The following MNX1 variants were observed in gnomAD, a reference collection of about 807,000 sequenced individuals.
MNX1 encodes the protein motor neuron and pancreas homeobox protein 1.
Under a neutral mutation model 17.3 loss-of-function variants are expected in MNX1, and 2 were observed. The ratio of observed to expected loss-of-function variants is 0.12; its 90% CI spans 0.05 to 0.36. The LOEUF is 0.36. Ranked by LOEUF, MNX1 falls within the 10% of genes least tolerant of loss-of-function variation. The pLI, the probability that MNX1 is intolerant of heterozygous loss-of-function variation, is 1.00. For missense variants in MNX1, 556 were observed against 564.7 expected, an observed-to-expected ratio of 0.98 and a Z score of 0.16; for synonymous variants, 306 against 283.1, an observed-to-expected ratio of 1.08 and a Z score of -0.81.
chr7:157,005,171 G>A lies in MNX1; in HGVS notation c.*349C>T, dbSNP rs1238671889. On this transcript the variant is annotated 3_prime_UTR_variant, in exon 3 of 3. Coordinates refer to ENST00000252971, the MANE Select transcript of MNX1 (RefSeq NM_005515.4). Reference sequence around the variant, plus strand: ...TCGGACGCGGGGAAAGGGGAGACAGGAGGCTTCCCCTTGCGCGGGGTGGGT... The same window carrying A: ...TCGGACGCGGGGAAAGGGGAGACAGAAGGCTTCCCCTTGCGCGGGGTGGGT... The A allele has an allele frequency of 2.1e-5, 5 of 235,450 alleles. 1 individual carries two copies. The East Asian group carries it at 2.4e-4, about 12-fold the overall frequency. 14.6% of individuals were successfully genotyped at this position (235,450 alleles called of 1,614,324 possible). A position where few individuals can be genotyped will look rare whatever the true frequency, so the allele number is the denominator to read the frequency against.
chr7:157,009,475 T>C (rs1362846626), intron 1 of MNX1, 185 bp downstream of exon 1: 8 of 1,433,802 alleles, frequency 5.6e-6, no homozygotes, highest in Non-Finnish European at 7.3e-6. Context: ...ATTTTAATAA[T>C]TCGCTGCCCG....
intron 2 of MNX1, 124 bp from the exon 3 acceptor site, chr7:157,005,997 A>T: frequency 1.9e-6 from 2 of 1,080,748 alleles, no homozygotes. Flanking sequence ...TCAGGGTGAG[A>T]CGACTTAGAA....
Position 157,009,849 on chromosome 7 carries a change from C to G in MNX1, c.502G>C (p.Ala168Pro), listed in dbSNP as rs1448136248. Residue 168 changes from alanine to proline, a missense_variant, in exon 1 of 3, where the codon GCG becomes CCG. Ala to Pro is a conservative substitution (Grantham distance 27). Coordinates refer to ENST00000252971, the MANE Select transcript of MNX1 (RefSeq NM_005515.4). ...LYGHPVYGYS[A>P]AAAAAALAGQ... The stretch of plus-strand genomic sequence containing the variant: ...GCCAGCGCAGCCGCCGCCGCCGCCG[C>G]GGAGTAGCCGTAGACCGGGTGGCCG... 2 of 1,509,998 alleles carry G rather than the reference C, an allele frequency of 1.3e-6. No individual in the cohort carries two copies. The highest frequency in any genetic ancestry group is 2.1e-5 in the Admixed American group (1 of 48,392). The allele number at this position is 1,509,998 out of a possible 1,614,324, so 93.5% of individuals were successfully genotyped here.
rs138118375 is a variant in MNX1, at chr7:157,005,015, G to A, written c.*505C>T. 2.1e-3 allele frequency: 478 copies of A among 223,638 alleles called. 23 individuals are homozygous for A. In the South Asian group the frequency reaches 0.084, roughly 39 times the overall value. The allele number at this position is 223,638 out of a possible 1,614,324, so 13.9% of individuals were successfully genotyped here. On this transcript the variant is annotated 3_prime_UTR_variant, in exon 3 of 3. Coordinates refer to ENST00000252971, the MANE Select transcript of MNX1 (RefSeq NM_005515.4). ...GATTTCCAGCAGTTTGAACGCTCGT[G>A]ACATAATCCCCCCGACCCCAGAGAC... is the stretch of plus-strand genomic sequence containing the variant.
intron 1 of MNX1, chr7:157,008,977 C>A: frequency 6.5e-7 from 1 of 1,536,886 alleles, no homozygotes; most frequent in Non-Finnish European, 8.7e-7. Context: ...CTCGGCCCCA[C>A]CTTGGAGGGG....
Position 157,006,208 on chromosome 7 carries a change from CCCT to C in MNX1, c.852+268_852+270del. ...ACGTCGCGGTAAATCTCAGGATGTTCCCTCCTCTCTTTCTGGAACAAAATTTCT... is the reference window on the plus strand; with the variant it reads ...ACGTCGCGGTAAATCTCAGGATGTTCCCTCTCTTTCTGGAACAAAATTTCT... On this transcript the variant is annotated intron_variant, in intron 2 of 2. Transcript: ENST00000252971. This position sits in a 1 kb window ranked among gnomAD's most constrained non-coding sequence, Gnocchi z 6.3. The C allele has an allele frequency of 3.4e-6, 2 of 584,352 alleles. No individual in the cohort carries two copies. The highest frequency in any genetic ancestry group is 4.2e-5 in the South Asian group (2 of 47,824). 36.2% of individuals were successfully genotyped at this position (584,352 alleles called of 1,614,324 possible). A position where few individuals can be genotyped will look rare whatever the true frequency, so the allele number is the denominator to read the frequency against.
In MNX1 at chr7:157,005,605, G is replaced by C. The variant is rs1379910177; in HGVS notation, c.1121C>G (p.Ala374Gly). Residue 374 changes from alanine to glycine, a missense_variant, in exon 3 of 3, where the codon GCC becomes GGC. Transcript: ENST00000252971. ...GTCGGAGGAGGCGGCGTGGACGCTG[G>C]CGCCGTTGCTGTAGGGGAAATGGTC... ...DEDHFPYSNG[A>G]SVHAASSDCS... 1 of 1,604,556 alleles carries C rather than the reference G, an allele frequency of 6.2e-7. No individual in the cohort carries two copies. The highest frequency in any genetic ancestry group is 8.5e-7 in the Non-Finnish European group (1 of 1,176,912).
rs751247773 is a variant in MNX1, at chr7:157,005,877, C to A, written c.853-4G>T. 4.0e-5 allele frequency: 65 copies of A among 1,610,642 alleles called. No homozygotes were observed. The highest frequency in any genetic ancestry group is 5.1e-5 in the Non-Finnish European group (60 of 1,179,810). ...GGTTCTGGAACCAAATCTTCACCTG[C>A]GGGCACAAGCGGGCGTGAGAAACCG... On this transcript the variant is annotated splice_polypyrimidine_tract_variant and splice_region_variant and intron_variant, in intron 2 of 2. Coordinates refer to ENST00000252971, the MANE Select transcript of MNX1 (RefSeq NM_005515.4).
At chr7:157,009,243 T>C (rs1805661299) in intron 1 of MNX1, 1 of 1,428,774 alleles carries the variant, frequency 7.0e-7, no homozygotes, top group Non-Finnish European at 9.1e-7. Flanking sequence ...GCCGCGGGTC[T>C]CTCTAACGCC....
rs1805680793 is a variant in MNX1 at position 157,009,967 on chromosome 7, G to GGCGGCGGCGGCGGCGGCA, written c.383_384insTGCCGCCGCCGCCGCCGC (p.Ala129_Ala134dup). On this transcript the variant is annotated inframe_insertion, in exon 1 of 3. Coordinates refer to ENST00000252971, the MANE Select transcript of MNX1 (RefSeq NM_005515.4). ...GGCCCCCAGCGGCGGCGGCGGCGGC[G>GGCGGCGGCGGCGGCGGCA]GCGGCGGCGGCAGCGGCCGCTGCGC... 1 of 965,190 alleles carries GGCGGCGGCGGCGGCGGCA rather than the reference G, an allele frequency of 1.0e-6. No homozygotes were observed. The highest frequency in any genetic ancestry group is 1.2e-6 in the Non-Finnish European group (1 of 824,666). The allele number at this position is 965,190 out of a possible 1,614,324, so 59.8% of individuals were successfully genotyped here.
rs1309891765 is a variant in MNX1 at position 157,005,746 on chromosome 7, T to TC, written c.979dup (p.Glu327GlyfsTer29). On this transcript the variant is annotated frameshift_variant, in exon 3 of 3. Coordinates refer to ENST00000252971, the MANE Select transcript of MNX1 (RefSeq NM_005515.4). LOFTEE classifies it low-confidence loss of function (END_TRUNC). Reference sequence around the variant, plus strand: ...CCCCAGCAGCTCCTCGGCTCCCGGCTCCTCCGCGCCGCCCTTCCCCGCGCC... The same window carrying TC: ...CCCCAGCAGCTCCTCGGCTCCCGGCTCCCTCCGCGCCGCCCTTCCCCGCGCC... The TC allele has an allele frequency of 6.2e-7, 1 of 1,609,070 alleles. No individual in the cohort carries two copies. The highest frequency in any genetic ancestry group is 1.3e-5 in the African/African-American group (1 of 74,830).
rs146194384 is a variant in MNX1 at position 157,004,888 on chromosome 7, G to A, written c.*632C>T. On this transcript the variant is annotated 3_prime_UTR_variant, in exon 3 of 3. Coordinates refer to ENST00000252971, the MANE Select transcript of MNX1 (RefSeq NM_005515.4). This position sits in a 1 kb window ranked among gnomAD's most constrained non-coding sequence, Gnocchi z 6.2. ...AAACCAATTTATTTTACATTCCATCGTGGGCGATGGGAGAAGCTAAATAAT... is the reference window on the plus strand; with the variant it reads ...AAACCAATTTATTTTACATTCCATCATGGGCGATGGGAGAAGCTAAATAAT... The A allele has an allele frequency of 2.2e-3, 403 of 186,704 alleles. 2 individuals carry two copies. Among genetic ancestry groups the A allele is most frequent in the African/African-American group, 8.8e-3 (376 of 42,714 alleles). The allele number at this position is 186,704 out of a possible 1,614,324, so 11.6% of individuals were successfully genotyped here.
chr7:157,005,983 G>T, intron 2 of MNX1, 110 bp from the exon 3 acceptor site: 1 of 1,273,738 alleles, frequency 7.9e-7, no homozygotes, highest in Non-Finnish European at 1.1e-6. Context: ...GCCCTGGAAT[G>T]GCCTCAGGGT....
chr7:157,008,904 G>T, intron 1 of MNX1: 3 of 1,356,996 alleles, frequency 2.2e-6, no homozygotes, highest in Non-Finnish European at 3.0e-6. Context: ...GAGGTGTCCC[G>T]CCCGGATGGA....
intron 2 of MNX1, 75 bp from the exon 3 acceptor site, chr7:157,005,948 C>T: frequency 1.3e-6 from 2 of 1,563,880 alleles, no homozygotes; most frequent in East Asian, 2.2e-5. Context: ...CCCCCGGCCG[C>T]GTGCGCCTGG....
In MNX1 at chr7:157,009,957, C is replaced by CGGT; in HGVS notation, c.393_394insACC (p.Ala131_Ala132insThr). On this transcript the variant is annotated inframe_insertion, in exon 1 of 3. Transcript: ENST00000252971. ...CCCAGCGCCAGGCCCCCAGCGGCGG[C>CGGT]GGCGGCGGCGGCGGCGGCGGCAGCG... 3 of 971,192 alleles carry CGGT rather than the reference C, an allele frequency of 3.1e-6. No individual in the cohort carries two copies. Among genetic ancestry groups the CGGT allele is most frequent in the Non-Finnish European group, 3.7e-6 (3 of 820,548 alleles). The allele number at this position is 971,192 out of a possible 1,614,324, so 60.2% of individuals were successfully genotyped here. A position where few individuals can be genotyped will look rare whatever the true frequency, so the allele number is the denominator to read the frequency against.
At chr7:157,005,952 C>T in intron 2 of MNX1, 79 bp from the exon 3 acceptor site, 3 of 1,544,162 alleles carry the variant, frequency 1.9e-6, no homozygotes, top group Non-Finnish European at 2.7e-6. Context: ...CGGCCGCGTG[C>T]GCCTGGGCCC....
At position 157,010,037 on chromosome 7, in the gene MNX1, C is replaced by T; in HGVS notation, c.314G>A (p.Gly105Asp). Residue 105 changes from glycine to aspartate, a missense_variant, in exon 1 of 3, where the codon GGC (glycine) becomes GAC (aspartate). Gly to Asp is a moderately conservative substitution (Grantham distance 94). This residue lies in a region of MNX1 where 115 missense variants were observed against 103.5 expected (regional missense o/e 1.11). Coordinates refer to ENST00000252971, the MANE Select transcript of MNX1 (RefSeq NM_005515.4). ...GGGCCCCCCGTGCCCGCCGCCCGTGCCGCCGCCGCCGCCGCCCGCGCCCAG... is the reference window on the plus strand; with the variant it reads ...GGGCCCCCCGTGCCCGCCGCCCGTGTCGCCGCCGCCGCCGCCCGCGCCCAG... ...GFLGAGGGGG[G>D]TGGGHGGPHH... 1 of 967,856 alleles carries T rather than the reference C, an allele frequency of 1.0e-6. No individual in the cohort carries two copies. The highest frequency in any genetic ancestry group is 1.2e-6 in the Non-Finnish European group (1 of 813,960). The allele number at this position is 967,856 out of a possible 1,614,324, so 60.0% of individuals were successfully genotyped here.
In MNX1 at chr7:157,005,887, C is replaced by G. The variant is rs1047290457; in HGVS notation, c.853-14G>C. ...CCAAATCTTCACCTGCGGGCACAAG[C>G]GGGCGTGAGAAACCGGCCACCGCCA... is the stretch of plus-strand genomic sequence containing the variant. On this transcript the variant is annotated splice_polypyrimidine_tract_variant and intron_variant, in intron 2 of 2. Transcript: ENST00000252971. The G allele has an allele frequency of 6.2e-7, 1 of 1,610,212 alleles. No homozygotes were observed. The highest frequency in any genetic ancestry group is 1.3e-5 in the African/African-American group (1 of 74,908).
Sources: gnomAD v4.1 joint callset for allele counts on GRCh38, gnomAD v4.1.1 for gene constraint, gnomAD v4.1.1 regional missense constraint, Gnocchi (gnomAD v3.1) non-coding constraint, MANE v1.5 for transcripts, NCBI Gene and HGNC (gene_info 2026-07-23, HGNC 2026-07-21) for gene names.